Variants in MAGI1 observed in about 807,000 individuals in gnomAD.
The protein encoded by MAGI1 is membrane-associated guanylate kinase, WW and PDZ domain-containing protein 1.
MAGI1 carries 58 observed loss-of-function variants against 139.9 expected under a neutral mutation model. The observed-to-expected ratio is 0.41, with a 90% CI of 0.34 to 0.52. The LOEUF (loss-of-function observed/expected upper bound fraction) is 0.52. MAGI1 is among the 20% of genes least tolerant of loss of function. The pLI is 0.12. For missense variants in MAGI1, 1,874 were observed against 1,901.6 expected, an observed-to-expected ratio of 0.99 and a Z score of 0.27; for synonymous variants, 812 against 737.9, an observed-to-expected ratio of 1.10 and a Z score of -1.63.
intron 1 of MAGI1, among the ~76,000 whole-genome samples, chr3:65,649,729 TA>T (rs2085477997): frequency 6.6e-6 from 1 of 152,188 alleles, no homozygotes; most frequent in Non-Finnish European, 1.5e-5. Flanking sequence ...CTAAAGAAGA[TA>T]GTGATGGCAA....
chr3:65,687,297 G>A, intron 1 of MAGI1: 1 of 205,124 alleles, frequency 4.9e-6, no homozygotes, highest in Non-Finnish European at 1.1e-5. Flanking sequence ...GGAATTTAAG[G>A]CACCACGAAG....
intron 1 of MAGI1, among the ~76,000 whole-genome samples, chr3:65,831,760 T>C (rs2042543080): frequency 6.6e-6 from 1 of 152,220 alleles, no homozygotes; most frequent in Non-Finnish European, 1.5e-5. Flanking sequence ...ATGGAAGTTT[T>C]AGATAAAATG....
At chr3:65,687,491 C>G (rs2088157559) in intron 1 of MAGI1, 2 of 383,230 alleles carry the variant, frequency 5.2e-6, no homozygotes, top group Non-Finnish European at 1.1e-5. Flanking sequence ...CAATCAGGAC[C>G]CAGCTCCTGA....
At chr3:65,896,323 G>GC (rs2060968068) in intron 1 of MAGI1, among the ~76,000 whole-genome samples, 1 of 151,236 alleles carries the variant, frequency 6.6e-6, no homozygotes, top group Admixed American at 6.6e-5. Context: ...GTACAACCAT[G>GC]CCCATGGCTG....
intron 1 of MAGI1, among the ~76,000 whole-genome samples, chr3:65,829,225 C>A (rs981220500): frequency 1.3e-5 from 2 of 152,104 alleles, no homozygotes; most frequent in African/African-American, 4.8e-5. Flanking sequence ...TAGGCTCAGG[C>A]AAAATGAAGA....
chr3:65,756,048 T>C (rs915801515), intron 1 of MAGI1, among the ~76,000 whole-genome samples: 1 of 152,216 alleles, frequency 6.6e-6, no homozygotes. Flanking sequence ...CCAAAGATTT[T>C]CTATAACTGG....
intron 1 of MAGI1, among the ~76,000 whole-genome samples, chr3:65,950,598 A>T (rs2063789154): frequency 6.6e-6 from 1 of 152,238 alleles, no homozygotes; most frequent in African/African-American, 2.4e-5. Flanking sequence ...CCCTATGTAA[A>T]TTAAACTCTG....
intron 1 of MAGI1, among the ~76,000 whole-genome samples, chr3:65,854,666 G>C (rs898997516): frequency 6.6e-6 from 1 of 152,224 alleles, no homozygotes; most frequent in Non-Finnish European, 1.5e-5. Flanking sequence ...AATGTCCCAC[G>C]AGAGGGTTCT....
intron 1 of MAGI1, among the ~76,000 whole-genome samples, chr3:66,000,872 T>C (rs2066704474): frequency 6.6e-6 from 1 of 152,216 alleles, no homozygotes; most frequent in South Asian, 2.1e-4. Flanking sequence ...GGCCAGGCCC[T>C]GTCTAAAGTG....
At chr3:65,774,667 T>C (rs11924265) in intron 1 of MAGI1, among the ~76,000 whole-genome samples, 11,208 of 152,168 alleles carry the variant, frequency 0.074, 460 homozygotes, top group African/African-American at 0.1. Context: ...CTAAGAGAAA[T>C]GGCATACACA....
intron 1 of MAGI1, among the ~76,000 whole-genome samples, chr3:65,781,135 G>A (rs1052766158): frequency 2.0e-5 from 3 of 152,036 alleles, no homozygotes; most frequent in Admixed American, 2.0e-4. Flanking sequence ...GGCGGAGGCT[G>A]CAGAGAGCCA....
intron 1 of MAGI1, among the ~76,000 whole-genome samples, chr3:65,691,791 TGC>T (rs2088684162): frequency 1.3e-5 from 2 of 152,222 alleles, no homozygotes; most frequent in African/African-American, 2.4e-5. Flanking sequence ...TATTTGAGAC[TGC>T]TGTGGTGTGT....
intron 1 of MAGI1, among the ~76,000 whole-genome samples, chr3:66,034,801 T>G (rs548104351): frequency 2.6e-4 from 40 of 152,234 alleles, no homozygotes; most frequent in African/African-American, 8.9e-4. Context: ...AATATTTTGT[T>G]GAGTAACAAA....
chr3:65,813,531 G>T (rs575894100), intron 1 of MAGI1, among the ~76,000 whole-genome samples: 1 of 152,296 alleles, frequency 6.6e-6, no homozygotes, highest in African/African-American at 2.4e-5. Context: ...ATACTACATA[G>T]TAATGGTGGG....
In MAGI1 at chr3:65,470,468, T is replaced by C. The variant is rs1198042551; in HGVS notation, c.774A>G (p.Gln258=). Residue 258 remains glutamine (Q), a synonymous_variant, in exon 5 of 23, where the codon CAA becomes CAG. Transcript: ENST00000402939. ...NSSFTADSGE[Q]EEHTLQETAL... ...CTGTTTCTTGGAGAGTGTGCTCCTC[T>C]TGTTCACCAGAATCGGCTGCTTAAT... 1 of 1,613,022 alleles carries C rather than the reference T, an allele frequency of 6.2e-7. No homozygotes were observed. The highest frequency in any genetic ancestry group is 8.5e-7 in the Non-Finnish European group (1 of 1,179,566).
In MAGI1 at chr3:65,356,697, C is replaced by T. The variant is rs1371460714; in HGVS notation, c.4070G>A (p.Arg1357Gln). 1.3e-6 allele frequency: 2 copies of T among 1,592,282 alleles called. No homozygotes were observed. Among genetic ancestry groups the T allele is most frequent in the Non-Finnish European group, 8.5e-7 (1 of 1,169,938 alleles). Reference sequence around the variant, plus strand: ...GCCGTCTCTCCTGCGGGTGGGTGACCGCTCTCGCCTCCGCTCCGGAGAGAC... The same window carrying T: ...GCCGTCTCTCCTGCGGGTGGGTGACTGCTCTCGCCTCCGCTCCGGAGAGAC... ...RDVSPERRRE[R>Q]SPTRRRDGSP... is the part of the protein sequence containing the mutation. Residue 1357 changes from arginine (R) to glutamine (Q), a missense_variant, in exon 23 of 23, where the codon CGG becomes CAG. Physicochemically the swap from Arg to Gln is conservative, Grantham distance 43 (BLOSUM62 1). Around this residue, in one of 5 missense-constraint regions of MAGI1, gnomAD observed 653 missense variants for 644.5 expected, o/e 1.01. Transcript: ENST00000402939.
chr3:65,787,031 A>G (rs2039443372), intron 1 of MAGI1, among the ~76,000 whole-genome samples: 1 of 152,140 alleles, frequency 6.6e-6, no homozygotes, highest in Non-Finnish European at 1.5e-5. Context: ...ACAACATTTC[A>G]TTAGAGGAAA....
intron 2 of MAGI1, among the ~76,000 whole-genome samples, chr3:65,528,884 A>G (rs2078508248): frequency 6.6e-6 from 1 of 152,110 alleles, no homozygotes; most frequent in Admixed American, 6.5e-5. Flanking sequence ...TGTCCCTACA[A>G]AAAAATTTAA....
rs564595237 is a variant in MAGI1 at position 65,493,140 on chromosome 3, T to G, written c.550+372A>C. Among the ~76,000 whole-genome samples the G allele has an allele frequency of 1.1e-4, 17 of 151,416 alleles. No homozygotes were observed. In the South Asian group the frequency reaches 2.1e-3, roughly 19 times the overall value. On this transcript the variant is annotated intron_variant, in intron 3 of 22. Transcript: ENST00000402939. ...TAAAAATACATTAAAAACCAATCAG[T>G]AGGAAAGTGATATTTTATTTCTTCA...
Sources: gnomAD v4.1 joint callset for allele counts (sites outside exome capture counted in the v4.1 genomes callset) on GRCh38, gnomAD v4.1.1 for gene constraint, gnomAD v4.1.1 regional missense constraint, MANE v1.5 for transcripts, NCBI Gene and HGNC (gene_info 2026-07-23, HGNC 2026-07-21) for gene names.